SLC25A21: variants seen among roughly 807,000 people sequenced by gnomAD.
SLC25A21 encodes the protein mitochondrial 2-oxodicarboxylate carrier.
In SLC25A21, 47 loss-of-function variants were observed where a neutral mutation model predicts 43.8. The ratio of observed to expected loss-of-function variants is 1.07; its 90% CI spans 0.85 to 1.37. SLC25A21 has a LOEUF of 1.37. SLC25A21 is among the 40% of genes most tolerant of loss of function. SLC25A21 has a pLI of 0.00. For missense variants in SLC25A21, 352 were observed against 350.2 expected, an observed-to-expected ratio of 1.00 and a Z score of -0.04; for synonymous variants, 131 against 121.3, an observed-to-expected ratio of 1.08 and a Z score of -0.52.
Position 36,679,086 on chromosome 14 carries a change from C to T in SLC25A21, c.*1572G>A. On this transcript the variant is annotated 3_prime_UTR_variant, in exon 10 of 10. Transcript: ENST00000331299. ...CATGGAGAGGTTAAAGGTTCAATTTCATGACCTCTATGCAGGCAGCGCTCT... is the reference window on the plus strand; with the variant it reads ...CATGGAGAGGTTAAAGGTTCAATTTTATGACCTCTATGCAGGCAGCGCTCT... The T allele has an allele frequency of 1.0e-6, 1 of 985,424 alleles. No homozygotes were observed. Among genetic ancestry groups the T allele is most frequent in the Non-Finnish European group, 1.2e-6 (1 of 829,926 alleles). 61.0% of individuals were successfully genotyped at this position (985,424 alleles called of 1,614,324 possible).
intron 2 of SLC25A21, among the ~76,000 whole-genome samples, chr14:36,865,917 T>C (rs946510437): frequency 1.3e-5 from 2 of 152,150 alleles, no homozygotes; most frequent in African/African-American, 2.4e-5. Context: ...GTGATTAATA[T>C]GTTTTGAGAG....
chr14:36,744,423 A>C (rs1219078953), intron 3 of SLC25A21, among the ~76,000 whole-genome samples: 1 of 152,120 alleles, frequency 6.6e-6, no homozygotes, highest in Non-Finnish European at 1.5e-5. Flanking sequence ...AGTTGACAAA[A>C]ATATATATTG....
Position 36,971,080 on chromosome 14 carries a change from T to C in SLC25A21, c.71-96076A>G, listed in dbSNP as rs368739457. On this transcript the variant is annotated intron_variant, in intron 1 of 9. Coordinates refer to ENST00000331299, the MANE Select transcript of SLC25A21 (RefSeq NM_030631.4). The stretch of plus-strand genomic sequence containing the variant: ...AAAATGTTTACAGTTCAGGTAAACA[T>C]GTGAGGTCATTAGGTGAGGCAAACT... Among the ~76,000 whole-genome samples the C allele has an allele frequency of 2.6e-4, 40 of 152,198 alleles. No homozygotes were observed. The East Asian group carries it at 6.4e-3, about 24-fold the overall frequency.
At chr14:36,916,062 G>C (rs565170074) in intron 1 of SLC25A21, among the ~76,000 whole-genome samples, 19 of 152,154 alleles carry the variant, frequency 1.2e-4, no homozygotes, top group Non-Finnish European at 2.8e-4. Context: ...CAAAACTTTT[G>C]CAAGACTTGA....
intron 1 of SLC25A21, among the ~76,000 whole-genome samples, chr14:37,055,078 C>T (rs1044716009): frequency 4.6e-5 from 7 of 152,114 alleles, no homozygotes; most frequent in Admixed American, 6.5e-5. Context: ...GCGTCAACTG[C>T]GGAAATCTTA....
intron 1 of SLC25A21, among the ~76,000 whole-genome samples, chr14:36,893,193 C>T (rs562348693): frequency 0.011 from 1,630 of 152,272 alleles, 29 homozygotes; most frequent in African/African-American, 0.037. Flanking sequence ...TATTTCTCCA[C>T]ATCCTCTCCA....
At chr14:36,861,943 C>G (rs1482694466) in intron 2 of SLC25A21, among the ~76,000 whole-genome samples, 1 of 152,112 alleles carries the variant, frequency 6.6e-6, no homozygotes, top group African/African-American at 2.4e-5. Context: ...TAAAAAAGTG[C>G]ACGAAGGACA....
chr14:36,871,774 AACCCAAACC>A (rs1266239107), intron 2 of SLC25A21, among the ~76,000 whole-genome samples: 3 of 152,156 alleles, frequency 2.0e-5, no homozygotes, highest in African/African-American at 7.2e-5. Flanking sequence ...GGGATACATG[AACCCAAACC>A]TTACTTCACA....
chr14:36,858,575 G>T (rs1889973114), intron 2 of SLC25A21, among the ~76,000 whole-genome samples: 1 of 152,058 alleles, frequency 6.6e-6, no homozygotes, highest in Non-Finnish European at 1.5e-5. Flanking sequence ...CCCTGAGTTT[G>T]TATTTTCTGA....
intron 3 of SLC25A21, among the ~76,000 whole-genome samples, chr14:36,762,807 C>T (rs1566585955): frequency 6.6e-6 from 1 of 152,302 alleles, no homozygotes; most frequent in East Asian, 1.9e-4. Flanking sequence ...GAGCTCACAC[C>T]TGTGCCTGGT....
intron 1 of SLC25A21, among the ~76,000 whole-genome samples, chr14:37,065,732 T>G (rs1193512426): frequency 6.6e-6 from 1 of 152,150 alleles, no homozygotes; most frequent in Admixed American, 6.5e-5. Flanking sequence ...AAGGGTACAT[T>G]CAAACACTTC....
At chr14:36,793,739 C>A (rs1354071822) in intron 3 of SLC25A21, among the ~76,000 whole-genome samples, 1 of 151,890 alleles carries the variant, frequency 6.6e-6, no homozygotes, top group African/African-American at 2.4e-5. Context: ...CTATAAACAC[C>A]AAGCATAATA....
At chr14:36,931,470 T>C (rs1305563732) in intron 1 of SLC25A21, among the ~76,000 whole-genome samples, 1 of 152,128 alleles carries the variant, frequency 6.6e-6, no homozygotes, top group African/African-American at 2.4e-5. Flanking sequence ...AATGTGGCTA[T>C]TGCTTTAGAG....
chr14:37,054,052 C>T (rs572595630), intron 1 of SLC25A21, among the ~76,000 whole-genome samples: 1 of 152,248 alleles, frequency 6.6e-6, no homozygotes, highest in African/African-American at 2.4e-5. Context: ...TGGGGACTTG[C>T]CTGAGCAATA....
chr14:37,016,307 C>T (rs1960854113), intron 1 of SLC25A21, among the ~76,000 whole-genome samples: 1 of 152,106 alleles, frequency 6.6e-6, no homozygotes, highest in African/African-American at 2.4e-5. Flanking sequence ...GGAATCCTTT[C>T]CCCATTGCTT....
intron 1 of SLC25A21, among the ~76,000 whole-genome samples, chr14:37,113,174 T>C (rs1039730447): frequency 4.6e-5 from 7 of 152,172 alleles, no homozygotes; most frequent in African/African-American, 1.2e-4. Flanking sequence ...GCTGAAATCA[T>C]TCACCACAGT....
intron 1 of SLC25A21, among the ~76,000 whole-genome samples, chr14:36,896,232 G>A (rs1249331771): frequency 6.6e-6 from 1 of 152,114 alleles, no homozygotes; most frequent in Non-Finnish European, 1.5e-5. Flanking sequence ...TCCTGTATTG[G>A]GTGCATATAT....
chr14:36,760,500 A>G (rs1164012550), intron 3 of SLC25A21, among the ~76,000 whole-genome samples: 1 of 152,148 alleles, frequency 6.6e-6, no homozygotes, highest in East Asian at 1.9e-4. Context: ...GGCCTCTCAA[A>G]TTGAGTGGGA....
At chr14:36,846,580 C>T (rs712369) in intron 2 of SLC25A21, among the ~76,000 whole-genome samples, 49,107 of 151,902 alleles carry the variant, frequency 0.32, 8,010 homozygotes, top group African/African-American at 0.38. Context: ...CAGGGTTCCA[C>T]CATGTTGGCC....
Sources: gnomAD v4.1 joint callset for allele counts (sites outside exome capture counted in the v4.1 genomes callset) on GRCh38, gnomAD v4.1.1 for gene constraint, MANE v1.5 for transcripts, NCBI Gene and HGNC (gene_info 2026-07-23, HGNC 2026-07-21) for gene names.